SLC16A3: variants seen among roughly 807,000 people sequenced by gnomAD.
SLC16A3 encodes monocarboxylate transporter 4.
A neutral mutation model predicts 25.0 loss-of-function variants in SLC16A3; 22 were observed. The observed-to-expected ratio is 0.88, with a 90% CI of 0.63 to 1.26. The LOEUF (loss-of-function observed/expected upper bound fraction) is 1.26, where lower values mean the gene tolerates loss of function less well. SLC16A3 is among the 50% of genes most tolerant of loss of function. The probability of loss-of-function intolerance (pLI) is 0.00; values close to 1 mark genes in which losing one functional copy is unlikely to be tolerated. For synonymous variants in SLC16A3, 390 were observed against 309.2 expected, an observed-to-expected ratio of 1.26 and a Z score of -2.74; for missense variants, 731 against 666.6, an observed-to-expected ratio of 1.10 and a Z score of -1.06.
chr17:82,236,500 T>A (rs950418555), intron 2 of SLC16A3: 1 of 640,138 alleles, frequency 1.6e-6, no homozygotes, highest in South Asian at 1.9e-5. Context: ...GAGCCGTTCC[T>A]GAAAAGGTGG....
At chr17:82,235,914 CCCT>C in intron 1 of SLC16A3, 66 bp from the exon 2 acceptor site, 3 of 1,094,354 alleles carry the variant, frequency 2.7e-6, no homozygotes, top group Non-Finnish European at 4.0e-6. Context: ...CAGCTCGTGT[CCCT>C]CCCCTGCCAG....
rs750897516 is a variant in SLC16A3 at position 82,236,164 on chromosome 17, G to T, written c.156G>T (p.Glu52Asp). 1 of 1,613,180 alleles carries T rather than the reference G, an allele frequency of 6.2e-7. No homozygotes were observed. Among genetic ancestry groups the T allele is most frequent in the East Asian group, 2.2e-5 (1 of 44,894 alleles). The part of the protein sequence containing the change: ...VSVFFKELIQ[E>D]FGIGYSDTAW... The stretch of plus-strand genomic sequence containing the variant: ...TCTTCTTCAAGGAGCTCATACAGGA[G>T]TTTGGGATCGGCTACAGCGACACAG... The change falls in exon 2 of 5, where the codon GAG (glutamate) becomes GAT (aspartate). Residue 52 changes from glutamate to aspartate, a missense_variant. Coordinates refer to ENST00000582743, the MANE Select transcript of SLC16A3 (RefSeq NM_004207.4).
chr17:82,237,355 A>C lies in SLC16A3; in HGVS notation c.585A>C (p.Ala195=). 2.0e-6 allele frequency: 3 copies of C among 1,538,338 alleles called. No individual in the cohort carries two copies. Among genetic ancestry groups the C allele is most frequent in the Non-Finnish European group, 2.6e-6 (3 of 1,139,992 alleles). ...GLLLNCCVCA[A]LMRPLVVTAQ... ...TGCTCAACTGCTGCGTGTGTGCCGC[A>C]CTCATGAGGCCCCTGGTGGTCACGG... Residue 195 remains alanine (A), a synonymous_variant, in exon 4 of 5, where the codon GCA becomes GCC. Coordinates refer to ENST00000582743, the MANE Select transcript of SLC16A3 (RefSeq NM_004207.4).
At chr17:82,230,404 C>G (rs892283008) in intron 1 of SLC16A3, 1 of 152,390 alleles carries the variant, frequency 6.6e-6, no homozygotes, top group African/African-American at 2.4e-5. Flanking sequence ...GGTAACGACC[C>G]CATGTGACCT....
chr17:82,220,983 C>A (rs144114700), intron 1 of SLC16A3, among the ~76,000 whole-genome samples: 1 of 151,950 alleles, frequency 6.6e-6, no homozygotes. Context: ...ACCACCACAC[C>A]GGGCTAATTT....
chr17:82,237,602 C>G lies in SLC16A3; in HGVS notation c.832C>G (p.Arg278Gly). The G allele has an allele frequency of 6.2e-7, 1 of 1,612,318 alleles. No individual in the cohort carries two copies. Among genetic ancestry groups the G allele is most frequent in the Non-Finnish European group, 8.5e-7 (1 of 1,179,686 alleles). ...CCTGGGCTTCATTGACATCTTCGCG[C>G]GGCCGGCCGCGGGCTTCGTGGCGGG... ...TILGFIDIFA[R>G]PAAGFVAGLG... The change falls in exon 4 of 5, where the codon CGG becomes GGG. Residue 278 changes from arginine (R) to glycine (G), a missense_variant. Physicochemically the swap from Arg to Gly is moderately radical, Grantham distance 125. Coordinates refer to ENST00000582743, the MANE Select transcript of SLC16A3 (RefSeq NM_004207.4).
chr17:82,219,059 A>G (rs2147104920), intron 1 of SLC16A3, among the ~76,000 whole-genome samples: 2 of 152,156 alleles, frequency 1.3e-5, no homozygotes, highest in Middle Eastern at 6.8e-3. Context: ...CCGTGAGAGG[A>G]AGCTCCTAAG....
At chr17:82,236,897 G>C in intron 3 of SLC16A3, 25 bp downstream of exon 3, 6 of 1,600,236 alleles carry the variant, frequency 3.7e-6, no homozygotes, top group Non-Finnish European at 4.2e-6. Flanking sequence ...CCGGTGGGCC[G>C]CACGTGCCAG....
At chr17:82,232,926 G>GGGGC (rs1486418222) in intron 1 of SLC16A3, among the ~76,000 whole-genome samples, 1 of 151,214 alleles carries the variant, frequency 6.6e-6, no homozygotes, top group African/African-American at 2.4e-5. Flanking sequence ...GGCGGGGGGG[G>GGGGC]GGTTGGTAAA....
chr17:82,239,866 TCCAGCCCGGC>T lies in SLC16A3; in HGVS notation c.*896_*905del. On this transcript the variant is annotated 3_prime_UTR_variant, in exon 5 of 5. Transcript: ENST00000582743. ...GCTGGTCTTTGCACCCTGTCCTCCA[TCCAGCCCGGC>T]CCAGCGCTTGGGCTTGTCCTGGACA... 1 of 587,408 alleles carries T rather than the reference TCCAGCCCGGC, an allele frequency of 1.7e-6. No homozygotes were observed. Among genetic ancestry groups the T allele is most frequent in the East Asian group, 3.5e-5 (1 of 28,814 alleles). The allele number at this position is 587,408 out of a possible 1,614,324, so 36.4% of individuals were successfully genotyped here.
rs1408681875 is a variant in SLC16A3, at chr17:82,238,085, G to A, written c.1123+192G>A. Among the ~76,000 whole-genome samples, 6 of 152,200 alleles carry A rather than the reference G, an allele frequency of 3.9e-5. No homozygotes were observed. The East Asian group carries it at 5.8e-4, about 15-fold the overall frequency. On this transcript the variant is annotated intron_variant, in intron 4 of 4. Transcript: ENST00000582743. Reference sequence around the variant, plus strand: ...GTCTCCATTAGGAGTGGGGTGCTCCGTCCGGCACAGTGTGTCCAGACAGGC... The same window carrying A: ...GTCTCCATTAGGAGTGGGGTGCTCCATCCGGCACAGTGTGTCCAGACAGGC...
rs1002893577 is a variant in SLC16A3, at chr17:82,236,040, C to A, written c.32C>A (p.Thr11Lys). 1 of 1,612,532 alleles carries A rather than the reference C, an allele frequency of 6.2e-7. No individual in the cohort carries two copies. The highest frequency in any genetic ancestry group is 1.1e-5 in the South Asian group (1 of 91,084). The change falls in exon 2 of 5, where the codon ACA (threonine) becomes AAA (lysine). Residue 11 changes from threonine to lysine, a missense_variant. Thr to Lys is a moderately conservative substitution (Grantham distance 78). Coordinates refer to ENST00000582743, the MANE Select transcript of SLC16A3 (RefSeq NM_004207.4). MGGAVVDEGPTGVKAPDGGWG... is the reference protein window; with the variant it reads MGGAVVDEGPKGVKAPDGGWG... ...GGGGCCGTGGTGGACGAGGGCCCCA[C>A]AGGCGTCAAGGCCCCTGACGGCGGC...
chr17:82,237,440 C>G lies in SLC16A3; in HGVS notation c.670C>G (p.Arg224Gly). The change falls in exon 4 of 5, where the codon CGG becomes GGG. Residue 224 changes from arginine (R) to glycine (G), a missense_variant. Coordinates refer to ENST00000582743, the MANE Select transcript of SLC16A3 (RefSeq NM_004207.4). ...GCGCCTGCTAGACCTGAGCGTCTTC[C>G]GGGACCGCGGCTTTGTGCTTTACGC... ...SRRLLDLSVF[R>G]DRGFVLYAVA... is the part of the protein sequence containing the mutation. The G allele has an allele frequency of 6.3e-7, 1 of 1,592,570 alleles. No individual in the cohort carries two copies. The highest frequency in any genetic ancestry group is 8.5e-7 in the Non-Finnish European group (1 of 1,171,296).
intron 4 of SLC16A3, 118 bp downstream of exon 4, chr17:82,238,011 G>C (rs1599561988): frequency 8.1e-7 from 1 of 1,241,276 alleles, no homozygotes; most frequent in East Asian, 2.5e-5. Flanking sequence ...CTCAGAGCTG[G>C]AGGGGGTGCA....
intron 3 of SLC16A3, 76 bp downstream of exon 3, chr17:82,236,948 C>T: frequency 6.4e-7 from 1 of 1,564,244 alleles, no homozygotes; most frequent in Non-Finnish European, 8.7e-7. Flanking sequence ...GGGTCCAGGC[C>T]TCTGGAGGAC....
chr17:82,228,857 G>T (rs1224210557), upstream of SLC16A3, among the ~76,000 whole-genome samples: 2 of 151,300 alleles, frequency 1.3e-5, no homozygotes, highest in African/African-American at 4.8e-5. Flanking sequence ...TCCGGTTGGG[G>T]GGGTCCCTGG....
rs1404154488 is a variant in SLC16A3 at position 82,239,482 on chromosome 17, A to G, written c.*506A>G. ...TGCGTGTGGGTGGAGTGTTAGGACCAACGGTTTCCTAGGAGTATGTGGTTT... is the reference window on the plus strand; with the variant it reads ...TGCGTGTGGGTGGAGTGTTAGGACCGACGGTTTCCTAGGAGTATGTGGTTT... On this transcript the variant is annotated 3_prime_UTR_variant, in exon 5 of 5. Transcript: ENST00000582743. 1 of 168,324 alleles carries G rather than the reference A, an allele frequency of 5.9e-6. No homozygotes were observed. The highest frequency in any genetic ancestry group is 1.3e-5 in the Non-Finnish European group (1 of 79,374). 10.4% of individuals were successfully genotyped at this position (168,324 alleles called of 1,614,324 possible). A position where few individuals can be genotyped will look rare whatever the true frequency, so the allele number is the denominator to read the frequency against.
At chr17:82,231,636 C>G (rs1367247913) in intron 1 of SLC16A3, 1 of 152,264 alleles carries the variant, frequency 6.6e-6, no homozygotes, top group Non-Finnish European at 1.5e-5. Context: ...TCTGAGACCC[C>G]GCAGTGCCAG....
rs565706387 is a variant in SLC16A3 at position 82,236,466 on chromosome 17, C to T, written c.223+235C>T. On this transcript the variant is annotated intron_variant, in intron 2 of 4. Transcript: ENST00000582743. ...CAAACGGGTCGGCTGTATTTATAGA[C>T]CGTCTCAGAGGACAGGCTCCTGAGA... 7.9e-6 allele frequency: 5 copies of T among 629,268 alleles called. No homozygotes were observed. The East Asian group carries it at 1.1e-4, about 14-fold the overall frequency. 39.0% of individuals were successfully genotyped at this position (629,268 alleles called of 1,614,324 possible). A position where few individuals can be genotyped will look rare whatever the true frequency, so the allele number is the denominator to read the frequency against.
Sources: allele counts gnomAD v4.1 joint callset (sites outside exome capture counted in the v4.1 genomes callset), GRCh38; gene constraint gnomAD v4.1.1; transcripts MANE v1.5; gene names NCBI Gene and HGNC (gene_info 2026-07-23, HGNC 2026-07-21).